ZNF738: variants seen among roughly 807,000 people sequenced by gnomAD.
ZNF738 encodes protein ZNF738.
Under a neutral mutation model 9.2 loss-of-function variants are expected in ZNF738, and 10 were observed. The ratio of observed to expected loss-of-function variants is 1.09; its 90% CI spans 0.67 to 1.85. The LOEUF (loss-of-function observed/expected upper bound fraction) is 1.85. ZNF738 is among the 40% of genes most tolerant of loss of function. ZNF738 has a pLI of 0.00. For synonymous variants in ZNF738, 113 were observed against 94.5 expected (o/e 1.20, Z -1.14); for missense variants, 346 against 283.6 (o/e 1.22, Z -1.58).
At chr19:21,360,916 G>A (rs547024348) in intron 1 of ZNF738, among the ~76,000 whole-genome samples, 2 of 151,556 alleles carry the variant, frequency 1.3e-5, no homozygotes, top group East Asian at 1.9e-4. Context: ...CCGGGTTCAC[G>A]AGGTTCTCAT....
chr19:21,373,635 TC>T (rs1418601926), intron 2 of ZNF738, among the ~76,000 whole-genome samples: 1 of 152,196 alleles, frequency 6.6e-6, no homozygotes, highest in African/African-American at 2.4e-5. Flanking sequence ...AGTTCTTAGT[TC>T]TTTTTTCTGT....
rs534122955 is a variant in ZNF738 at position 21,373,838 on chromosome 19, T to G, written c.97-1400T>G. 8.5e-5 allele frequency among the ~76,000 whole-genome samples: 13 copies of G among 152,058 alleles called. No individual in the cohort carries two copies. The East Asian group carries it at 2.5e-3, about 29-fold the overall frequency. On this transcript the variant is annotated intron_variant, in intron 2 of 4. Coordinates refer to ENST00000683779, the MANE Select transcript of ZNF738 (RefSeq NM_001355237.2). ...GAAGAGCTGTGTCCACTCTGCCTCCTGGAGTGCGATGCATTTAGTCCTTGC... is the reference window on the plus strand; with the variant it reads ...GAAGAGCTGTGTCCACTCTGCCTCCGGGAGTGCGATGCATTTAGTCCTTGC...
intron 1 of ZNF738, chr19:21,360,417 C>G (rs1036852714): frequency 6.6e-6 from 1 of 152,286 alleles, no homozygotes; most frequent in Non-Finnish European, 1.5e-5. Flanking sequence ...AGCTTTTCCT[C>G]CCTAATTCAC....
chr19:21,384,195 T>C lies in ZNF738; in HGVS notation c.*521T>C. ...TGAGGAATGTGGCAAAGCTTTTAACTGGTACTCACGCCTTACTACACATAA... is the reference window on the plus strand; with the variant it reads ...TGAGGAATGTGGCAAAGCTTTTAACCGGTACTCACGCCTTACTACACATAA... On this transcript the variant is annotated 3_prime_UTR_variant, in exon 5 of 5. Coordinates refer to ENST00000683779, the MANE Select transcript of ZNF738 (RefSeq NM_001355237.2). The C allele has an allele frequency of 7.2e-7, 1 of 1,393,482 alleles. No individual in the cohort carries two copies. The highest frequency in any genetic ancestry group is 1.0e-6 in the Non-Finnish European group (1 of 989,182). 86.3% of individuals were successfully genotyped at this position (1,393,482 alleles called of 1,614,324 possible). A position where few individuals can be genotyped will look rare whatever the true frequency, so the allele number is the denominator to read the frequency against.
At chr19:21,371,961 T>C (rs2434995) in intron 2 of ZNF738, 1 of 152,412 alleles carries the variant, frequency 6.6e-6, no homozygotes, top group Non-Finnish European at 1.5e-5. Flanking sequence ...TTTTCTTTTT[T>C]AGACGGAGTT....
rs1261831543 is a variant in ZNF738 at position 21,387,798 on chromosome 19, T to C, written c.*4124T>C. 2.0e-5 allele frequency among the ~76,000 whole-genome samples: 3 copies of C among 152,222 alleles called. No individual in the cohort carries two copies. Among genetic ancestry groups the C allele is most frequent in the African/African-American group, 7.2e-5 (3 of 41,466 alleles). On this transcript the variant is annotated 3_prime_UTR_variant, in exon 5 of 5. Transcript: ENST00000683779. ...AACATAAAGAGGGTTGTAGTACCTT[T>C]ACTTGAATCAAATTTTATTGTACAC...
rs372868224 is a variant in ZNF738 at position 21,359,043 on chromosome 19, C to G, written c.-98C>G. 1.2e-6 allele frequency: 1 copy of G among 820,800 alleles called. No individual in the cohort carries two copies. Among genetic ancestry groups the G allele is most frequent in the East Asian group, 2.5e-5 (1 of 39,888 alleles). 50.8% of individuals were successfully genotyped at this position (820,800 alleles called of 1,614,324 possible). A position where few individuals can be genotyped will look rare whatever the true frequency, so the allele number is the denominator to read the frequency against. On this transcript the variant is annotated 5_prime_UTR_variant, in exon 1 of 5. Coordinates refer to ENST00000683779, the MANE Select transcript of ZNF738 (RefSeq NM_001355237.2). ...AACTCCGGGTCTCGTCTTCACTGCT[C>G]TGTGTCCTCTGCTCCTAGAGGCCCA... is the stretch of plus-strand genomic sequence containing the variant.
chr19:21,371,253 G>A (rs1385754529), intron 2 of ZNF738, among the ~76,000 whole-genome samples: 3 of 152,230 alleles, frequency 2.0e-5, no homozygotes, highest in Non-Finnish European at 4.4e-5. Flanking sequence ...GAATCAGCCT[G>A]AGTTTCTCCA....
chr19:21,374,274 G>A (rs755048366), intron 2 of ZNF738, among the ~76,000 whole-genome samples: 2 of 151,464 alleles, frequency 1.3e-5, no homozygotes, highest in Non-Finnish European at 2.9e-5. Flanking sequence ...CGAGATACCC[G>A]CTTTCTAGGG....
chr19:21,379,221 C>G (rs886508484), intron 4 of ZNF738: 1 of 150,952 alleles, frequency 6.6e-6, no homozygotes, highest in African/African-American at 2.4e-5. Flanking sequence ...TTATTTCTTT[C>G]TGAAAAATTT....
rs1166382915 is a variant in ZNF738 at position 21,388,112 on chromosome 19, ATAATC to A, written c.*4442_*4446del. ...AAGTCAAGAGTTCTGAGTATAGAAA[ATAATC>A]TAAAACTAAAGTTGATAGAAAAAGT... On this transcript the variant is annotated 3_prime_UTR_variant, in exon 5 of 5. Coordinates refer to ENST00000683779, the MANE Select transcript of ZNF738 (RefSeq NM_001355237.2). Among the ~76,000 whole-genome samples the A allele has an allele frequency of 2.0e-5, 3 of 152,342 alleles. No homozygotes were observed. The highest frequency in any genetic ancestry group is 4.1e-4 in the South Asian group (2 of 4,828).
At chr19:21,362,505 A>G (rs952932936) in intron 2 of ZNF738, among the ~76,000 whole-genome samples, 4 of 152,078 alleles carry the variant, frequency 2.6e-5, no homozygotes, top group Non-Finnish European at 4.4e-5. Context: ...GGATCTCTCA[A>G]GTGATTGAAT....
At chr19:21,369,223 C>G (rs1422328029) in intron 2 of ZNF738, among the ~76,000 whole-genome samples, 2 of 152,178 alleles carry the variant, frequency 1.3e-5, no homozygotes, top group African/African-American at 4.8e-5. Flanking sequence ...ATCCTCCTAC[C>G]TCAGCCCCTT....
chr19:21,364,165 C>G (rs4525621), intron 2 of ZNF738, among the ~76,000 whole-genome samples: 79,218 of 134,098 alleles, frequency 0.59, 22,955 homozygotes, highest in Middle Eastern at 0.75. Context: ...CCACTGCACT[C>G]TAGTCTGGGC....
chr19:21,360,840 T>TC (rs1447971896), intron 1 of ZNF738, among the ~76,000 whole-genome samples: 2 of 151,066 alleles, frequency 1.3e-5, no homozygotes, highest in Non-Finnish European at 3.0e-5. Flanking sequence ...TCTTTTCTTT[T>TC]TTTTTTGAGA....
chr19:21,377,510 G>A (rs769362246), intron 4 of ZNF738: 9 of 636,480 alleles, frequency 1.4e-5, no homozygotes, highest in East Asian at 2.8e-5. Flanking sequence ...ACACACAGAC[G>A]TGCACACACA....
intron 2 of ZNF738, among the ~76,000 whole-genome samples, chr19:21,363,463 C>T (rs1275475388): frequency 1.3e-5 from 2 of 152,114 alleles, no homozygotes; most frequent in African/African-American, 4.8e-5. Flanking sequence ...AAGCTAGAGT[C>T]CTGGAAAGCT....
chr19:21,361,638 A>G lies in ZNF738; in HGVS notation c.4-128A>G, dbSNP rs186595468. On this transcript the variant is annotated intron_variant, in intron 1 of 4. Coordinates refer to ENST00000683779, the MANE Select transcript of ZNF738 (RefSeq NM_001355237.2). ...AAAATTTATGGGGTGATGTGTCCTC[A>G]GCCACCGTTTAGTTTTTTCCCGGTC... 5.7e-5 allele frequency: 39 copies of G among 685,834 alleles called. 1 individual carries two copies. In the East Asian group the frequency reaches 1.1e-3, roughly 19 times the overall value. The allele number at this position is 685,834 out of a possible 1,614,324, so 42.5% of individuals were successfully genotyped here. A position where few individuals can be genotyped will look rare whatever the true frequency, so the allele number is the denominator to read the frequency against.
rs539183435 is a variant in ZNF738, at chr19:21,383,576, T to G, written c.1030T>G (p.Tyr344Asp). 1.9e-6 allele frequency: 2 copies of G among 1,030,566 alleles called. No homozygotes were observed. The highest frequency in any genetic ancestry group is 5.4e-5 in the East Asian group (2 of 37,092). The allele number at this position is 1,030,566 out of a possible 1,614,324, so 63.8% of individuals were successfully genotyped here. A position where few individuals can be genotyped will look rare whatever the true frequency, so the allele number is the denominator to read the frequency against. ...GATAATTCATACTGGAGAGAAACCC[T>G]ACAAATGTGAGGAATGTGGCAAAGC... ...HKIIHTGEKP[Y>D]KCEECGKAFN... Residue 344 changes from tyrosine to aspartate, a missense_variant, in exon 5 of 5, where the codon TAC becomes GAC. Transcript: ENST00000683779.
Sources: allele counts gnomAD v4.1 joint callset (sites outside exome capture counted in the v4.1 genomes callset), GRCh38; gene constraint gnomAD v4.1.1; transcripts MANE v1.5; gene names NCBI Gene and HGNC (gene_info 2026-07-23, HGNC 2026-07-21).